The following DLG2 variants were observed in gnomAD, a reference collection of about 807,000 sequenced individuals.
DLG2 encodes the protein discs large MAGUK scaffold protein 2.
In DLG2, 45 loss-of-function variants were observed where a neutral mutation model predicts 132.5. The ratio of observed to expected loss-of-function variants is 0.34; its 90% CI spans 0.27 to 0.44. The LOEUF (loss-of-function observed/expected upper bound fraction) is 0.44. Ranked by LOEUF, DLG2 falls within the 20% of genes least tolerant of loss-of-function variation. The pLI is 1.00. For synonymous variants in DLG2, 424 were observed against 419.6 expected, an observed-to-expected ratio of 1.01 and a Z score of -0.13; for missense variants, 1,045 against 1,196.9, an observed-to-expected ratio of 0.87 and a Z score of 1.87.
rs555517902 is a variant in DLG2 at position 83,786,236 on chromosome 11, C to CA, written c.1825+453dup. ...ACAAGGGATATTGTAGGAGTAAAGG[C>CA]AAAAAAAATGTCAATCAAGCACCCC... is the stretch of plus-strand genomic sequence containing the variant. On this transcript the variant is annotated intron_variant, in intron 18 of 27. Coordinates refer to ENST00000376104, the MANE Select transcript of DLG2 (RefSeq NM_001142699.3). Among the ~76,000 whole-genome samples, 115 of 151,500 alleles carry CA rather than the reference C, an allele frequency of 7.6e-4. 2 individuals carry two copies. In the South Asian group the frequency reaches 0.015, roughly 20 times the overall value.
intron 3 of DLG2, among the ~76,000 whole-genome samples, chr11:85,569,228 T>C (rs538485705): frequency 6.6e-6 from 1 of 152,078 alleles, no homozygotes; most frequent in Non-Finnish European, 1.5e-5. Flanking sequence ...GACGAGGTTT[T>C]GCCATGTTGG....
chr11:85,441,229 T>A lies in DLG2; in HGVS notation c.41-155864A>T, dbSNP rs534128857. Among the ~76,000 whole-genome samples, 7 of 152,246 alleles carry A rather than the reference T, an allele frequency of 4.6e-5. No individual in the cohort carries two copies. The South Asian group carries it at 1.5e-3, about 32-fold the overall frequency. On this transcript the variant is annotated intron_variant, in intron 3 of 27. Transcript: ENST00000376104. ...CACAGCTCAGGAGTCAAATCTAAACTCATCACTTTCTCCCCTGATCCCACT... is the reference window on the plus strand; with the variant it reads ...CACAGCTCAGGAGTCAAATCTAAACACATCACTTTCTCCCCTGATCCCACT...
chr11:84,776,874 T>C (rs1454762279), intron 6 of DLG2, among the ~76,000 whole-genome samples: 2 of 152,164 alleles, frequency 1.3e-5, no homozygotes, highest in African/African-American at 4.8e-5. Context: ...TATTAAAATA[T>C]ATTGTGCAAA....
intron 10 of DLG2, among the ~76,000 whole-genome samples, chr11:84,082,291 T>C (rs1306491829): frequency 6.6e-6 from 1 of 152,222 alleles, no homozygotes. Flanking sequence ...GTTCAACTGT[T>C]TGAAAATATG....
At chr11:83,912,650 C>A (rs1348394306) in intron 15 of DLG2, among the ~76,000 whole-genome samples, 2 of 151,974 alleles carry the variant, frequency 1.3e-5, no homozygotes, top group African/African-American at 4.8e-5. Context: ...ATTTTTAACA[C>A]CAAAATTAAA....
chr11:84,592,414 C>T (rs578184921), intron 6 of DLG2, among the ~76,000 whole-genome samples: 1 of 152,224 alleles, frequency 6.6e-6, no homozygotes, highest in African/African-American at 2.4e-5. Context: ...TGGGCAAAGA[C>T]TTCATGACTA....
At chr11:85,004,786 A>G (rs2058508274) in intron 6 of DLG2, among the ~76,000 whole-genome samples, 1 of 152,152 alleles carries the variant, frequency 6.6e-6, no homozygotes, top group Non-Finnish European at 1.5e-5. Context: ...TGCTTCAGTC[A>G]TGAAATCTTT....
At chr11:85,172,989 TG>T (rs1595065445) in intron 4 of DLG2, among the ~76,000 whole-genome samples, 11 of 152,290 alleles carry the variant, frequency 7.2e-5, no homozygotes, top group Admixed American at 4.6e-4. Flanking sequence ...ACCAAACCTA[TG>T]AATGATTGGG....
intron 18 of DLG2, among the ~76,000 whole-genome samples, chr11:83,721,898 T>C (rs2088685204): frequency 6.6e-6 from 1 of 152,140 alleles, no homozygotes; most frequent in Non-Finnish European, 1.5e-5. Flanking sequence ...GAAGAACTCT[T>C]GTAGGTATTT....
intron 19 of DLG2, among the ~76,000 whole-genome samples, chr11:83,607,380 A>G (rs1303341053): frequency 6.6e-6 from 1 of 152,224 alleles, no homozygotes; most frequent in Non-Finnish European, 1.5e-5. Flanking sequence ...GAACCGTCTC[A>G]GTTAATGTAT....
intron 6 of DLG2, among the ~76,000 whole-genome samples, chr11:85,051,930 T>C (rs987957014): frequency 1.3e-5 from 2 of 152,162 alleles, no homozygotes; most frequent in South Asian, 2.1e-4. Flanking sequence ...TTTGAAAATG[T>C]AGTAGCTTTT....
At chr11:84,793,589 T>C (rs2074169341) in intron 6 of DLG2, among the ~76,000 whole-genome samples, 1 of 152,178 alleles carries the variant, frequency 6.6e-6, no homozygotes, top group Admixed American at 6.5e-5. Flanking sequence ...GCTCAAGCAT[T>C]GGCTGCATAT....
chr11:84,127,827 T>C (rs75226136), intron 9 of DLG2, among the ~76,000 whole-genome samples: 37 of 152,288 alleles, frequency 2.4e-4, no homozygotes, highest in African/African-American at 8.9e-4. Flanking sequence ...CCTTATTGGA[T>C]TAGGGCCCAC....
At chr11:83,839,137 A>G (rs1474258927) in intron 16 of DLG2, among the ~76,000 whole-genome samples, 8 of 152,184 alleles carry the variant, frequency 5.3e-5, no homozygotes, top group Non-Finnish European at 8.8e-5. Context: ...TAATGTTTGC[A>G]TGACAGTAGA....
intron 3 of DLG2, among the ~76,000 whole-genome samples, chr11:85,361,601 T>G (rs1024959195): frequency 8.5e-5 from 13 of 152,238 alleles, no homozygotes; most frequent in African/African-American, 3.1e-4. Flanking sequence ...GATCATGGCC[T>G]CCAGTTCCAT....
intron 4 of DLG2, among the ~76,000 whole-genome samples, chr11:85,260,982 T>G (rs72950107): frequency 0.043 from 6,482 of 152,252 alleles, 184 homozygotes; most frequent in East Asian, 0.096. Flanking sequence ...TTTTTTAATC[T>G]AAAGTCTCTC....
chr11:84,204,211 C>T (rs1385585800), intron 8 of DLG2, among the ~76,000 whole-genome samples: 1 of 152,310 alleles, frequency 6.6e-6, no homozygotes, highest in East Asian at 1.9e-4. Context: ...CCCACCTCGG[C>T]CTCCCAAAGT....
chr11:84,539,074 A>G (rs1225872877), intron 6 of DLG2, among the ~76,000 whole-genome samples: 1 of 152,178 alleles, frequency 6.6e-6, no homozygotes, highest in Non-Finnish European at 1.5e-5. Flanking sequence ...CAATATTACA[A>G]CCAATAATAA....
intron 6 of DLG2, among the ~76,000 whole-genome samples, chr11:84,678,799 T>G (rs1019704156): frequency 2.6e-5 from 4 of 152,038 alleles, no homozygotes; most frequent in Admixed American, 2.0e-4. Flanking sequence ...GAACAGAAAT[T>G]GAGTCTAGTT....
Sources: gnomAD v4.1 joint callset for allele counts (sites outside exome capture counted in the v4.1 genomes callset) on GRCh38, gnomAD v4.1.1 for gene constraint, MANE v1.5 for transcripts, NCBI Gene and HGNC (gene_info 2026-07-23, HGNC 2026-07-21) for gene names.